MCC: variants seen among roughly 807,000 people sequenced by gnomAD.
MCC encodes the protein colorectal mutant cancer protein.
MCC carries 90 observed loss-of-function variants against 116.2 expected under a neutral mutation model. The ratio of observed to expected loss-of-function variants is 0.77; its 90% CI spans 0.65 to 0.92. The LOEUF is 0.92. MCC is among the 40% of genes least tolerant of loss of function. MCC has a pLI of 0.00. For missense variants in MCC, 1,516 were observed against 1,312.2 expected, an observed-to-expected ratio of 1.16 and a Z score of -2.40; for synonymous variants, 578 against 510.5, an observed-to-expected ratio of 1.13 and a Z score of -1.78.
At position 113,434,258 on chromosome 5, in the gene MCC, G is replaced by A; in HGVS notation, c.171-49046C>T. 6.2e-7 allele frequency: 1 copy of A among 1,614,120 alleles called. No homozygotes were observed. ...CTAGGCTCCAGATGTCGTACACCTT[G>A]GGCTGGTAGGGAATGCCCTGCAGCA... On this transcript the variant is annotated intron_variant, in intron 1 of 18. Coordinates refer to ENST00000408903, the MANE Select transcript of MCC (RefSeq NM_001085377.2). The surrounding 1 kb of genome is among the most constrained non-coding windows in gnomAD (Gnocchi z 4.2).
In MCC at chr5:113,082,986, T is replaced by C. The variant is rs767187274; in HGVS notation, c.1658A>G (p.His553Arg). 1.1e-5 allele frequency: 18 copies of C among 1,613,896 alleles called. No homozygotes were observed. The highest frequency in any genetic ancestry group is 2.7e-5 in the African/African-American group (2 of 74,904). Residue 553 changes from histidine to arginine, a missense_variant, in exon 11 of 19, where the codon CAC becomes CGC. His to Arg is a conservative substitution (Grantham distance 29). Transcript: ENST00000408903. ...GCAGTCCTGAAGTGAGTGGGCCAGG[T>C]GTTCAGCCACACTGCTGGATACCTG... is the stretch of plus-strand genomic sequence containing the variant. ...SIGVSSSVAE[H>R]LAHSLQDCSN...
chr5:113,263,726 C>T (rs146589898), intron 3 of MCC, among the ~76,000 whole-genome samples: 177 of 152,226 alleles, frequency 1.2e-3, no homozygotes, highest in Non-Finnish European at 1.9e-3. Flanking sequence ...TGTAATATAG[C>T]TATTACCTAC....
At chr5:113,034,489 G>C (rs1372639654) in intron 17 of MCC, among the ~76,000 whole-genome samples, 1 of 152,230 alleles carries the variant, frequency 6.6e-6, no homozygotes, top group African/African-American at 2.4e-5. Flanking sequence ...AGCTGCAGGA[G>C]TCATCGGGCG....
intron 1 of MCC, among the ~76,000 whole-genome samples, chr5:113,391,458 T>C (rs1310169381): frequency 6.6e-6 from 1 of 152,156 alleles, no homozygotes. Context: ...TTCATGCCTG[T>C]AATCCCAGCA....
chr5:113,304,075 T>G (rs1766924711), intron 3 of MCC, among the ~76,000 whole-genome samples: 1 of 152,118 alleles, frequency 6.6e-6, no homozygotes, highest in African/African-American at 2.4e-5. Context: ...CTATGTCCCT[T>G]CAGTCAAGCT....
At chr5:113,393,247 TG>T (rs1185392051) in intron 1 of MCC, among the ~76,000 whole-genome samples, 1 of 152,178 alleles carries the variant, frequency 6.6e-6, no homozygotes, top group African/African-American at 2.4e-5. Context: ...AATCTGGGTA[TG>T]GTACATATGT....
chr5:113,340,604 T>C lies in MCC; in HGVS notation c.542A>G (p.Gln181Arg). ...LLEYGGSSLH[Q>R]QAALHKLLTQ... ...GAGCAGTTTGTGGAGAGCAGCCTGCTGATGCAAAGAGCTTCCGCCATACTC... is the reference window on the plus strand; with the variant it reads ...GAGCAGTTTGTGGAGAGCAGCCTGCCGATGCAAAGAGCTTCCGCCATACTC... Residue 181 changes from glutamine to arginine, a missense_variant, in exon 3 of 19, where the codon CAG (glutamine) becomes CGG (arginine). Transcript: ENST00000408903. 12 of 1,614,184 alleles carry C rather than the reference T, an allele frequency of 7.4e-6. No homozygotes were observed. Among genetic ancestry groups the C allele is most frequent in the Non-Finnish European group, 1.0e-5 (12 of 1,180,028 alleles).
At chr5:113,129,801 G>C (rs13170088) in intron 5 of MCC, among the ~76,000 whole-genome samples, 67,218 of 152,100 alleles carry the variant, frequency 0.44, 17,774 homozygotes, top group East Asian at 0.64. Flanking sequence ...TCTCACACCA[G>C]TTAGAATGGC....
At position 113,143,318 on chromosome 5, in the gene MCC, C is replaced by T; in HGVS notation, c.784G>A (p.Glu262Lys). 6 of 1,613,868 alleles carry T rather than the reference C, an allele frequency of 3.7e-6. No individual in the cohort carries two copies. Among genetic ancestry groups the T allele is most frequent in the Non-Finnish European group, 5.1e-6 (6 of 1,179,954 alleles). The change falls in exon 5 of 19, where the codon GAG becomes AAG. Residue 262 changes from glutamate to lysine, a missense_variant. Glu to Lys is a moderately conservative substitution (Grantham distance 56). Transcript: ENST00000408903. The part of the protein sequence containing the change: ...HLMREHEDVQ[E>K]RTTLRYEERI... ...TCCTCATAGCGAAGTGTCGTTCGCTCCTGGACATCCTCATGCTCTCTCATG... is the reference window on the plus strand; with the variant it reads ...TCCTCATAGCGAAGTGTCGTTCGCTTCTGGACATCCTCATGCTCTCTCATG...
chr5:113,063,874 C>T, intron 14 of MCC, 110 bp downstream of exon 14: 2 of 1,206,938 alleles, frequency 1.7e-6, no homozygotes, highest in Non-Finnish European at 2.3e-6. Context: ...GCCATGTCTG[C>T]CTTTTCCCAA....
intron 1 of MCC, among the ~76,000 whole-genome samples, chr5:113,401,716 C>A (rs1769691841): frequency 6.6e-6 from 1 of 151,914 alleles, no homozygotes; most frequent in South Asian, 2.1e-4. Flanking sequence ...AAACCTAAAC[C>A]TTTCCCTGAG....
chr5:113,125,641 G>A (rs1042018603), intron 5 of MCC, among the ~76,000 whole-genome samples: 4 of 152,180 alleles, frequency 2.6e-5, no homozygotes, highest in Non-Finnish European at 5.9e-5. Flanking sequence ...TGCAGTATGC[G>A]TGGCAGACTG....
chr5:113,180,164 G>A (rs1561432917), intron 3 of MCC, among the ~76,000 whole-genome samples: 1 of 151,896 alleles, frequency 6.6e-6, no homozygotes, highest in Non-Finnish European at 1.5e-5. Flanking sequence ...GGACTTCACG[G>A]GCCCATCTCT....
At chr5:113,453,069 C>A (rs550773651) in intron 1 of MCC, among the ~76,000 whole-genome samples, 3 of 152,234 alleles carry the variant, frequency 2.0e-5, no homozygotes, top group African/African-American at 7.2e-5. Flanking sequence ...GGCAAAGAAC[C>A]ACTTGTCAGC....
At chr5:113,115,368 A>G (rs1757339214) in intron 6 of MCC, among the ~76,000 whole-genome samples, 1 of 152,184 alleles carries the variant, frequency 6.6e-6, no homozygotes, top group South Asian at 2.1e-4. Flanking sequence ...TTCTTTTCTC[A>G]AAGCAATCGA....
intron 17 of MCC, among the ~76,000 whole-genome samples, chr5:113,038,514 G>T (rs919410098): frequency 2.6e-5 from 4 of 152,124 alleles, no homozygotes; most frequent in African/African-American, 9.7e-5. Context: ...GTGGGAGAGG[G>T]TGTCATTTCT....
At chr5:113,420,221 A>T (rs955079930) in intron 1 of MCC, among the ~76,000 whole-genome samples, 2 of 123,966 alleles carry the variant, frequency 1.6e-5, no homozygotes, top group African/African-American at 8.2e-5. Flanking sequence ...AAGATTAGGC[A>T]AAGTAATTTA....
intron 2 of MCC, among the ~76,000 whole-genome samples, chr5:113,354,298 T>A (rs1270177961): frequency 4.6e-5 from 7 of 152,182 alleles, no homozygotes; most frequent in African/African-American, 1.2e-4. Context: ...CCTGAAGGGA[T>A]CCCAGTCACG....
intron 5 of MCC, among the ~76,000 whole-genome samples, chr5:113,134,659 T>C (rs1034180785): frequency 8.1e-5 from 12 of 147,416 alleles, no homozygotes; most frequent in South Asian, 2.3e-4. Flanking sequence ...AGGGATTACA[T>C]TGACTCTATA....
Sources: allele counts gnomAD v4.1 joint callset (sites outside exome capture counted in the v4.1 genomes callset), GRCh38; gene constraint gnomAD v4.1.1; non-coding constraint Gnocchi (gnomAD v3.1); transcripts MANE v1.5; gene names NCBI Gene and HGNC (gene_info 2026-07-23, HGNC 2026-07-21).